HMGCLL1: variants seen among roughly 807,000 people sequenced by gnomAD.
The protein encoded by HMGCLL1 is 3-hydroxy-3-methylglutaryl-CoA lyase like 1, also known as 3-hydroxymethyl-3-methylglutaryl-CoA lyase, cytoplasmic.
A neutral mutation model predicts 39.1 loss-of-function variants in HMGCLL1; 36 were observed. The observed-to-expected ratio is 0.92, with a 90% CI of 0.71 to 1.22. The LOEUF (loss-of-function observed/expected upper bound fraction) is 1.22. HMGCLL1 is among the 50% of genes most tolerant of loss of function. The pLI is 0.00. For missense variants in HMGCLL1, 451 were observed against 416.5 expected (o/e 1.08, Z -0.72); for synonymous variants, 149 against 144.0 (o/e 1.03, Z -0.25).
Position 55,516,529 on chromosome 6 carries a change from A to T in HMGCLL1, c.372T>A (p.Asn124Lys), listed in dbSNP as rs1296018130. The T allele has an allele frequency of 2.5e-6, 4 of 1,598,024 alleles. No individual in the cohort carries two copies. In the African/African-American group the frequency reaches 5.3e-5, roughly 21 times the overall value. The change falls in exon 4 of 9, where the codon AAT becomes AAA. Residue 124 changes from asparagine to lysine, a missense_variant. Asn to Lys is a moderately conservative substitution (Grantham distance 94). Transcript: ENST00000274901. The stretch of plus-strand genomic sequence containing the variant: ...TTACAGCATGGTGAAAACCCTGAAG[A>T]TTAGGAGTAAGGACAGGATAGCGAA... ...PGVRYPVLTP[N>K]LQGFHHAVAA...
intron 7 of HMGCLL1, among the ~76,000 whole-genome samples, chr6:55,474,719 A>G (rs1765210603): frequency 6.6e-6 from 1 of 151,380 alleles, no homozygotes; most frequent in African/African-American, 2.4e-5. Flanking sequence ...AAGCCTACAC[A>G]TTGTATCTGG....
At chr6:55,555,338 G>A (rs1770594673) in intron 1 of HMGCLL1, among the ~76,000 whole-genome samples, 1 of 140,252 alleles carries the variant, frequency 7.1e-6, no homozygotes, top group Admixed American at 7.4e-5. Flanking sequence ...ATATCAAAAA[G>A]TCAACAACAA....
the HMGCLL1 span, among the ~76,000 whole-genome samples, chr6:55,590,046 A>C: frequency 6.6e-6 from 1 of 152,152 alleles, no homozygotes; most frequent in Non-Finnish European, 1.5e-5. Context: ...GAATTGAAAA[A>C]AACTACTTTA....
intron 6 of HMGCLL1, 68 bp from the exon 7 acceptor site, chr6:55,495,675 A>T: frequency 8.6e-7 from 1 of 1,159,440 alleles, no homozygotes; most frequent in African/African-American, 1.6e-5. Context: ...TTGTGCCACA[A>T]CTAACATCAT....
At chr6:55,603,012 T>TC in the HMGCLL1 span, among the ~76,000 whole-genome samples, 6 of 152,104 alleles carry the variant, frequency 3.9e-5, no homozygotes, top group African/African-American at 1.2e-4. Flanking sequence ...ATGATGCTGC[T>TC]GCTGTTCCAG....
chr6:55,656,709 TC>T, the HMGCLL1 span, among the ~76,000 whole-genome samples: 1 of 152,018 alleles, frequency 6.6e-6, no homozygotes, highest in African/African-American at 2.4e-5. Context: ...TGTTAAACTA[TC>T]GAAGGTTTCT....
At position 55,472,865 on chromosome 6, in the gene HMGCLL1, A is replaced by G. The variant is rs550092414; in HGVS notation, c.795+22554T>C. 1.7e-3 allele frequency among the ~76,000 whole-genome samples: 256 copies of G among 151,636 alleles called. 2 individuals are homozygous for G. Among genetic ancestry groups the G allele is most frequent in the South Asian group, 6.0e-3 (29 of 4,828 alleles). On this transcript the variant is annotated intron_variant, in intron 7 of 8. Coordinates refer to ENST00000274901, the MANE Select transcript of HMGCLL1 (RefSeq NM_001042406.2). ...AAGAAGTATGTTAATGTTTTAAACT[A>G]TAATAGTGAATCTGCCTATTTCTTA...
chr6:55,597,744 T>C, the HMGCLL1 span, among the ~76,000 whole-genome samples: 3 of 152,122 alleles, frequency 2.0e-5, no homozygotes, highest in Non-Finnish European at 4.4e-5. Flanking sequence ...AAATTATAAA[T>C]GAGACAGTTT....
At chr6:55,563,083 C>CT (rs1421206752) in intron 1 of HMGCLL1, among the ~76,000 whole-genome samples, 1 of 151,946 alleles carries the variant, frequency 6.6e-6, no homozygotes, top group Non-Finnish European at 1.5e-5. Context: ...ATTTCAGTGG[C>CT]TATGTGTATA....
intron 7 of HMGCLL1, among the ~76,000 whole-genome samples, chr6:55,443,138 C>G (rs1177233813): frequency 6.6e-6 from 1 of 150,522 alleles, no homozygotes; most frequent in Non-Finnish European, 1.5e-5. Flanking sequence ...TTCTCAAATC[C>G]CTAAAGTAGA....
intron 1 of HMGCLL1, among the ~76,000 whole-genome samples, chr6:55,559,070 T>C (rs543667619): frequency 6.6e-6 from 1 of 152,200 alleles, no homozygotes; most frequent in Non-Finnish European, 1.5e-5. Context: ...AGGCACTTAA[T>C]GAAACCATCA....
At chr6:55,484,367 G>C (rs930151598) in intron 7 of HMGCLL1, among the ~76,000 whole-genome samples, 3 of 151,380 alleles carry the variant, frequency 2.0e-5, no homozygotes, top group Non-Finnish European at 2.9e-5. Context: ...GGAATGTCTC[G>C]GTGCCCCATT....
chr6:55,454,662 C>A (rs79279878), intron 7 of HMGCLL1, among the ~76,000 whole-genome samples: 2,493 of 152,224 alleles, frequency 0.016, 65 homozygotes, highest in African/African-American at 0.056. Context: ...GTCATATCTC[C>A]AGGGAAACAA....
At chr6:55,589,961 A>T in the HMGCLL1 span, among the ~76,000 whole-genome samples, 3 of 152,190 alleles carry the variant, frequency 2.0e-5, no homozygotes, top group African/African-American at 7.2e-5. Context: ...CAATATCGTG[A>T]AAATGGCCAT....
the HMGCLL1 span, among the ~76,000 whole-genome samples, chr6:55,649,502 T>A: frequency 6.6e-6 from 1 of 151,892 alleles, no homozygotes; most frequent in Non-Finnish European, 1.5e-5. Context: ...GCTGTTAGGA[T>A]CCTTTCTTTA....
intron 3 of HMGCLL1, among the ~76,000 whole-genome samples, chr6:55,519,210 G>A (rs1190626748): frequency 6.6e-6 from 1 of 152,058 alleles, no homozygotes; most frequent in African/African-American, 2.4e-5. Flanking sequence ...TAGTATTATA[G>A]AACAATTAAT....
At chr6:55,443,038 A>C (rs894846377) in intron 7 of HMGCLL1, among the ~76,000 whole-genome samples, 1 of 77,634 alleles carries the variant, frequency 1.3e-5, no homozygotes, top group African/African-American at 6.7e-5. Flanking sequence ...AATCACCTGG[A>C]GCCCTTTTCA....
At chr6:55,587,417 G>A in the HMGCLL1 span, among the ~76,000 whole-genome samples, 1 of 151,964 alleles carries the variant, frequency 6.6e-6, no homozygotes, top group South Asian at 2.1e-4. Context: ...CCTGAAGGAA[G>A]CACTAAACAT....
chr6:55,530,005 G>T (rs902328418), intron 3 of HMGCLL1, among the ~76,000 whole-genome samples: 1 of 151,052 alleles, frequency 6.6e-6, no homozygotes, highest in African/African-American at 2.4e-5. Flanking sequence ...CAGAAAGCAT[G>T]GGTTAAACAG....
Sources: gnomAD v4.1 joint callset for allele counts (sites outside exome capture counted in the v4.1 genomes callset) on GRCh38, gnomAD v4.1.1 for gene constraint, MANE v1.5 for transcripts, NCBI Gene and HGNC (gene_info 2026-07-23, HGNC 2026-07-21) for gene names.